Variants in AKAP19 observed in about 807,000 individuals in gnomAD.
The protein encoded by AKAP19 is A-kinase anchoring protein 19, also known as small A-kinase anchoring protein.
the AKAP19 span, among the ~76,000 whole-genome samples, chr2:190,128,734 G>A: frequency 3.3e-5 from 5 of 152,148 alleles, no homozygotes; most frequent in East Asian, 1.9e-4. Flanking sequence ...GATGTAACAC[G>A]TATTATACAA....
chr2:189,918,125 C>G, the AKAP19 span, among the ~76,000 whole-genome samples: 1 of 151,850 alleles, frequency 6.6e-6, no homozygotes, highest in East Asian at 1.9e-4. Context: ...GTCTTAAGTA[C>G]TCTACATATG....
chr2:189,994,161 C>T, the AKAP19 span, among the ~76,000 whole-genome samples: 8 of 151,896 alleles, frequency 5.3e-5, no homozygotes, highest in African/African-American at 1.9e-4. Context: ...CAGGCACCTG[C>T]CACCACGCCT....
chr2:189,933,892 C>T, the AKAP19 span, among the ~76,000 whole-genome samples: 1 of 152,080 alleles, frequency 6.6e-6, no homozygotes, highest in Non-Finnish European at 1.5e-5. Context: ...CCTGGACAGC[C>T]TTTTCTCAGC....
the AKAP19 span, among the ~76,000 whole-genome samples, chr2:190,019,223 C>T: frequency 6.6e-6 from 1 of 152,166 alleles, no homozygotes; most frequent in Non-Finnish European, 1.5e-5. Flanking sequence ...TAGGGAAGGT[C>T]TAGCCCCTGA....
chr2:190,004,851 A>G, the AKAP19 span, among the ~76,000 whole-genome samples: 2 of 152,146 alleles, frequency 1.3e-5, no homozygotes, highest in Non-Finnish European at 2.9e-5. Flanking sequence ...GGTTATGAAC[A>G]CTGTTGTAGG....
At chr2:190,011,034 C>T in the AKAP19 span, among the ~76,000 whole-genome samples, 10 of 143,880 alleles carry the variant, frequency 7.0e-5, no homozygotes, top group Non-Finnish European at 1.2e-4. Context: ...CTCCCATTCT[C>T]TCATTCTCTC....
At chr2:190,080,733 A>G in the AKAP19 span, among the ~76,000 whole-genome samples, 1 of 152,210 alleles carries the variant, frequency 6.6e-6, no homozygotes, top group Non-Finnish European at 1.5e-5. Flanking sequence ...AGAATTATAC[A>G]AGGGTCTGGT....
chr2:189,917,564 A>G, the AKAP19 span: 15 of 502,162 alleles, frequency 3.0e-5, no homozygotes, highest in East Asian at 5.0e-4. Context: ...TTTCTTTCTT[A>G]TTAAGGTCTT....
At chr2:189,914,691 G>T in the AKAP19 span, among the ~76,000 whole-genome samples, 1 of 151,970 alleles carries the variant, frequency 6.6e-6, no homozygotes, top group South Asian at 2.1e-4. Context: ...GTATTCTTAA[G>T]CTTGAGGAAC....
the AKAP19 span, among the ~76,000 whole-genome samples, chr2:189,920,697 A>G: frequency 9.2e-5 from 14 of 152,118 alleles, no homozygotes; most frequent in Admixed American, 9.2e-4. Flanking sequence ...AGTGTCTGAA[A>G]CCTTTTTTGT....
At chr2:190,107,063 G>A in the AKAP19 span, among the ~76,000 whole-genome samples, 6 of 151,984 alleles carry the variant, frequency 3.9e-5, no homozygotes, top group Non-Finnish European at 5.9e-5. Flanking sequence ...TGAGGAGAAG[G>A]GCCATATTTA....
At chr2:190,016,319 G>A in the AKAP19 span, among the ~76,000 whole-genome samples, 19 of 152,224 alleles carry the variant, frequency 1.2e-4, no homozygotes, top group African/African-American at 4.3e-4. Flanking sequence ...GGCAGAAGGG[G>A]AAGAGGTATG....
the AKAP19 span, among the ~76,000 whole-genome samples, chr2:189,881,695 GA>G: frequency 6.6e-6 from 1 of 152,008 alleles, no homozygotes. Context: ...GAAAAATGGG[GA>G]AAAAGAAGGA....
At chr2:190,142,039 T>C in the AKAP19 span, among the ~76,000 whole-genome samples, 3 of 152,152 alleles carry the variant, frequency 2.0e-5, no homozygotes, top group Non-Finnish European at 4.4e-5. Flanking sequence ...TATTCAAAAA[T>C]GAGTTAGTAT....
the AKAP19 span, among the ~76,000 whole-genome samples, chr2:190,148,553 A>G: frequency 7.9e-5 from 12 of 152,242 alleles, no homozygotes; most frequent in South Asian, 1.5e-3. Flanking sequence ...TTCTTTCTCT[A>G]TCTTGTGGAA....
At chr2:189,998,838 T>C in the AKAP19 span, among the ~76,000 whole-genome samples, 1 of 131,048 alleles carries the variant, frequency 7.6e-6, no homozygotes, top group Non-Finnish European at 1.6e-5. Flanking sequence ...AATGATGCAA[T>C]CTTGGCTCAC....
chr2:189,916,544 A>G, the AKAP19 span, among the ~76,000 whole-genome samples: 1 of 151,332 alleles, frequency 6.6e-6, no homozygotes, highest in Admixed American at 6.6e-5. Context: ...CTTGTCTGGA[A>G]CTCCTGGCCA....
chr2:190,172,600 G>C, the AKAP19 span, among the ~76,000 whole-genome samples: 1 of 152,128 alleles, frequency 6.6e-6, no homozygotes, highest in African/African-American at 2.4e-5. Context: ...TTAGATAGGA[G>C]GTTTGCTGCC....
chr2:190,090,544 T>C, the AKAP19 span, among the ~76,000 whole-genome samples: 1 of 152,234 alleles, frequency 6.6e-6, no homozygotes, highest in Non-Finnish European at 1.5e-5. Flanking sequence ...AACAGTCTTT[T>C]TTCTACTTAT....
Sources: allele counts gnomAD v4.1 joint callset (sites outside exome capture counted in the v4.1 genomes callset), GRCh38; gene constraint gnomAD v4.1.1; transcripts MANE v1.5; gene names NCBI Gene and HGNC (gene_info 2026-07-23, HGNC 2026-07-21).